The following NHSL2 variants were observed in gnomAD, a reference collection of about 807,000 sequenced individuals.
NHSL2 encodes NHS-like protein 2.
In NHSL2, 27 loss-of-function variants were observed where a neutral mutation model predicts 53.4. That is an observed-to-expected ratio of 0.51 (90% confidence interval 0.37 to 0.70). NHSL2 has a LOEUF of 0.70. Ranked by LOEUF, NHSL2 falls within the 30% of genes least tolerant of loss-of-function variation. NHSL2 has a pLI of 0.00. For synonymous variants in NHSL2, 408 were observed against 404.1 expected, an observed-to-expected ratio of 1.01 and a Z score of -0.12; for missense variants, 892 against 980.1, an observed-to-expected ratio of 0.91 and a Z score of 1.20.
intron 1 of NHSL2, among the ~76,000 whole-genome samples, chrX:72,034,805 TTTTATC>T (rs1220459484): frequency 2.7e-5 from 3 of 112,177 alleles, no homozygotes; most frequent in African/African-American, 9.7e-5. Flanking sequence ...TCTTCTCTCT[TTTTATC>T]TTTGTTATTC....
chrX:72,143,307 C>A lies in NHSL2; in HGVS notation c.3411C>A (p.Gly1137=), dbSNP rs1277092923. 7.7e-6 allele frequency: 9 copies of A among 1,163,763 alleles called. No homozygotes were observed. Among genetic ancestry groups the A allele is most frequent in the Non-Finnish European group, 1.0e-5 (9 of 871,295 alleles). ...AACCTGGTGAGGCCTTTGTGGGTGGCAGAACGAGTTCCCACTCACCAATAA... is the reference window on the plus strand; with the variant it reads ...AACCTGGTGAGGCCTTTGTGGGTGGAAGAACGAGTTCCCACTCACCAATAA... ...WKEPGEAFVG[G]RTSSHSPIKN... Residue 1137 remains glycine (G), a synonymous_variant, in exon 8 of 8, where the codon GGC becomes GGA. Transcript: ENST00000633930.
At chrX:72,127,741 G>T (rs1319906196) in intron 1 of NHSL2, 1 of 112,891 alleles carries the variant, frequency 8.9e-6, no homozygotes, top group Non-Finnish European at 1.9e-5. Context: ...TCTTTACAAA[G>T]TTGTTTACTC....
chrX:72,104,846 C>A (rs1439859691), intron 1 of NHSL2, among the ~76,000 whole-genome samples: 1 of 111,076 alleles, frequency 9.0e-6, no homozygotes, highest in Admixed American at 9.5e-5. Context: ...AGTGATTGTG[C>A]TCAACAAGGA....
intron 4 of NHSL2, among the ~76,000 whole-genome samples, chrX:72,135,156 G>A (rs895125218): frequency 6.3e-5 from 7 of 111,443 alleles, no homozygotes; most frequent in African/African-American, 2.3e-4. Flanking sequence ...CCTGGGCACA[G>A]ACCAAAGGCC....
chrX:72,032,949 C>T (rs2042223230), intron 1 of NHSL2, among the ~76,000 whole-genome samples: 1 of 112,278 alleles, frequency 8.9e-6, no homozygotes, highest in Admixed American at 9.4e-5. Flanking sequence ...ATCTGTTTAT[C>T]TATCTCTCCA....
chrX:72,130,451 T>C (rs1472987515), intron 1 of NHSL2: 2 of 1,206,913 alleles, frequency 1.7e-6, no homozygotes, highest in Non-Finnish European at 2.2e-6. Flanking sequence ...CTCATGCGCT[T>C]CCTCTGGTCC....
intron 1 of NHSL2, among the ~76,000 whole-genome samples, chrX:72,105,300 G>C (rs146756616): frequency 0.044 from 4,858 of 111,156 alleles, 291 homozygotes; most frequent in African/African-American, 0.15. Context: ...AGCAGCTCAA[G>C]GTCTGGTGTT....
At chrX:72,131,881 G>A in intron 1 of NHSL2, 198 bp from the exon 2 acceptor site, 1 of 377,678 alleles carries the variant, frequency 2.6e-6, no homozygotes, top group Non-Finnish European at 4.5e-6. Flanking sequence ...GGCGAGCGGA[G>A]CGGGAGGGAG....
chrX:71,955,121 A>G (rs866671494), intron 1 of NHSL2, among the ~76,000 whole-genome samples: 12 of 111,445 alleles, frequency 1.1e-4, no homozygotes, highest in African/African-American at 3.9e-4. Context: ...ACCTCTGCCT[A>G]TTAAGCAACT....
intron 1 of NHSL2, chrX:72,128,856 C>A (rs749113747): frequency 8.8e-6 from 1 of 113,209 alleles, no homozygotes; most frequent in East Asian, 2.8e-4. Context: ...CAAGGCCTGG[C>A]AAGGGGAGAA....
chrX:72,005,225 C>T (rs2042089443), intron 1 of NHSL2, among the ~76,000 whole-genome samples: 1 of 112,294 alleles, frequency 8.9e-6, no homozygotes, highest in Non-Finnish European at 1.9e-5. Flanking sequence ...CCTTGGTTTC[C>T]CAAAGTGCAG....
At chrX:71,913,099 C>A (rs1237635339) in intron 1 of NHSL2, among the ~76,000 whole-genome samples, 2 of 111,915 alleles carry the variant, frequency 1.8e-5, no homozygotes, top group Admixed American at 1.9e-4. Context: ...GTGGCCATCT[C>A]TCATCCCTGG....
intron 1 of NHSL2, among the ~76,000 whole-genome samples, chrX:71,992,386 A>G (rs1398558673): frequency 9.0e-6 from 1 of 111,342 alleles, no homozygotes; most frequent in Non-Finnish European, 1.9e-5. Flanking sequence ...GTGAGGAAGG[A>G]AAAGGGGAGA....
At chrX:72,118,427 C>T (rs2042157418) in intron 1 of NHSL2, among the ~76,000 whole-genome samples, 1 of 111,772 alleles carries the variant, frequency 8.9e-6, no homozygotes, top group African/African-American at 3.3e-5. Context: ...ATTTTGTAGG[C>T]TGCCTTTTCG....
intron 1 of NHSL2, among the ~76,000 whole-genome samples, chrX:72,007,733 C>T (rs73561872): frequency 0.035 from 3,923 of 113,189 alleles, 157 homozygotes; most frequent in African/African-American, 0.12. Context: ...AAGGGCACAC[C>T]GCTTGAAAGT....
intron 1 of NHSL2, among the ~76,000 whole-genome samples, chrX:71,958,825 C>T (rs2147847258): frequency 8.9e-6 from 1 of 112,129 alleles, no homozygotes; most frequent in South Asian, 3.7e-4. Flanking sequence ...ATCTTCAAAA[C>T]AATTTTATAA....
At chrX:71,912,045 A>G (rs912670665) in intron 1 of NHSL2, among the ~76,000 whole-genome samples, 2 of 112,234 alleles carry the variant, frequency 1.8e-5, no homozygotes, top group African/African-American at 3.2e-5. Flanking sequence ...CACTACCGCT[A>G]GGGTCTGGCT....
At chrX:71,932,722 T>C (rs2041719633) in intron 1 of NHSL2, among the ~76,000 whole-genome samples, 1 of 112,056 alleles carries the variant, frequency 8.9e-6, no homozygotes, top group African/African-American at 3.2e-5. Context: ...TTTGGAGGAA[T>C]CATTGTTACT....
intron 1 of NHSL2, among the ~76,000 whole-genome samples, chrX:71,959,791 A>T (rs1339498280): frequency 8.9e-6 from 1 of 112,511 alleles, no homozygotes; most frequent in East Asian, 2.8e-4. Flanking sequence ...ATGTTGTAAG[A>T]TGTATCAATA....
Sources: allele counts gnomAD v4.1 joint callset (sites outside exome capture counted in the v4.1 genomes callset), GRCh38; gene constraint gnomAD v4.1.1; transcripts MANE v1.5; gene names NCBI Gene and HGNC (gene_info 2026-07-23, HGNC 2026-07-21).